ARHGAP15: variants seen among roughly 807,000 people sequenced by gnomAD.
ARHGAP15 encodes Rho GTPase activating protein 15, also known as rho GTPase-activating protein 15.
In ARHGAP15, 51 loss-of-function variants were observed where a neutral mutation model predicts 63.7. That is an observed-to-expected ratio of 0.80 (90% CI 0.64 to 1.01). ARHGAP15 has a LOEUF of 1.01. Ranked by LOEUF, ARHGAP15 falls within the 50% of genes least tolerant of loss-of-function variation. The pLI, the probability that ARHGAP15 is intolerant of heterozygous loss-of-function variation, is 0.00. For synonymous variants in ARHGAP15, 191 were observed against 193.8 expected (o/e 0.99, Z 0.12); for missense variants, 560 against 564.6 (o/e 0.99, Z 0.08).
intron 10 of ARHGAP15, among the ~76,000 whole-genome samples, chr2:143,543,350 G>A (rs1695186843): frequency 6.6e-6 from 1 of 152,022 alleles, no homozygotes; most frequent in South Asian, 2.1e-4. Context: ...CTTTTTTTGA[G>A]AAGTATCTTT....
chr2:143,173,939 G>T (rs1350814502), intron 2 of ARHGAP15, among the ~76,000 whole-genome samples: 3 of 152,044 alleles, frequency 2.0e-5, no homozygotes, highest in Non-Finnish European at 4.4e-5. Context: ...TCAAGGGGTC[G>T]TTCCGAGTTT....
chr2:143,139,526 T>A (rs1339751041), intron 1 of ARHGAP15, among the ~76,000 whole-genome samples: 1 of 152,150 alleles, frequency 6.6e-6, no homozygotes. Flanking sequence ...GGGTTTGAGT[T>A]AACTAATGCA....
chr2:143,367,642 C>G (rs1308808165), intron 6 of ARHGAP15, among the ~76,000 whole-genome samples: 1 of 151,684 alleles, frequency 6.6e-6, no homozygotes, highest in East Asian at 1.9e-4. Flanking sequence ...CTTCTTGTAA[C>G]CTCCATTTCA....
At chr2:143,652,724 C>G (rs140053803) in intron 12 of ARHGAP15, among the ~76,000 whole-genome samples, 1 of 152,096 alleles carries the variant, frequency 6.6e-6, no homozygotes, top group African/African-American at 2.4e-5. Flanking sequence ...TTGTTTGATG[C>G]TACTATACAG....
intron 8 of ARHGAP15, among the ~76,000 whole-genome samples, chr2:143,456,807 A>T (rs1489795445): frequency 7.2e-6 from 1 of 139,480 alleles, no homozygotes; most frequent in East Asian, 2.1e-4. Context: ...ATAAGTAATT[A>T]TGTTATTAAA....
At chr2:143,680,941 A>C (rs1424617543) in intron 12 of ARHGAP15, among the ~76,000 whole-genome samples, 1 of 152,242 alleles carries the variant, frequency 6.6e-6, no homozygotes, top group African/African-American at 2.4e-5. Flanking sequence ...CTGAAATCTT[A>C]GTGAAAGTCA....
intron 11 of ARHGAP15, among the ~76,000 whole-genome samples, chr2:143,594,769 TGTTGATTGCTGGTGGAGCAAATGTTACA>T (rs1574679204): frequency 1.3e-5 from 2 of 152,194 alleles, no homozygotes; most frequent in East Asian, 3.8e-4. Context: ...AAATCTGATA[TGTTGATTGCTGGTGGAGCAAATGTTACA>T]GGAGCCTGTA....
At chr2:143,273,537 A>T (rs1339158842) in intron 6 of ARHGAP15, among the ~76,000 whole-genome samples, 1 of 152,150 alleles carries the variant, frequency 6.6e-6, no homozygotes, top group Non-Finnish European at 1.5e-5. Flanking sequence ...GTTCAACCTA[A>T]CTCTAGTTAA....
At chr2:143,132,394 CTCT>C (rs1280444658) in intron 1 of ARHGAP15, among the ~76,000 whole-genome samples, 5 of 152,200 alleles carry the variant, frequency 3.3e-5, no homozygotes, top group Admixed American at 2.0e-4. Flanking sequence ...CATTCCTCAG[CTCT>C]TCTTTTCACT....
At chr2:143,565,336 C>T (rs1426055746) in intron 11 of ARHGAP15, among the ~76,000 whole-genome samples, 1 of 152,078 alleles carries the variant, frequency 6.6e-6, no homozygotes, top group Non-Finnish European at 1.5e-5. Flanking sequence ...TTTTAAATTA[C>T]CCTTTTAATA....
intron 1 of ARHGAP15, among the ~76,000 whole-genome samples, chr2:143,136,551 T>C (rs551004268): frequency 6.6e-6 from 1 of 151,540 alleles, no homozygotes; most frequent in Non-Finnish European, 1.5e-5. Flanking sequence ...TTTACAACCT[T>C]TTAGTCAGAC....
At chr2:143,515,616 A>G (rs1693781767) in intron 9 of ARHGAP15, among the ~76,000 whole-genome samples, 2 of 152,230 alleles carry the variant, frequency 1.3e-5, no homozygotes, top group South Asian at 2.1e-4. Flanking sequence ...CTTTTGCTAT[A>G]TAGTCCTGAG....
intron 6 of ARHGAP15, among the ~76,000 whole-genome samples, chr2:143,416,020 G>T (rs1272104928): frequency 2.6e-5 from 4 of 152,052 alleles, no homozygotes; most frequent in Admixed American, 2.0e-4. Flanking sequence ...CAAATCAGGT[G>T]CAGTGTATGC....
chr2:143,314,350 A>G (rs1683597538), intron 6 of ARHGAP15: 2 of 152,218 alleles, frequency 1.3e-5, no homozygotes, highest in African/African-American at 2.4e-5. Context: ...CACCTTTACA[A>G]TTAACTCTTA....
At chr2:143,238,507 C>T (rs182104382) in intron 5 of ARHGAP15, among the ~76,000 whole-genome samples, 10 of 152,222 alleles carry the variant, frequency 6.6e-5, no homozygotes, top group Non-Finnish European at 1.2e-4. Context: ...CATCTCACAC[C>T]AGTCAGAATG....
chr2:143,602,119 G>GT (rs1697793209), intron 11 of ARHGAP15, among the ~76,000 whole-genome samples: 1 of 152,050 alleles, frequency 6.6e-6, no homozygotes, highest in African/African-American at 2.4e-5. Flanking sequence ...GGAGAAATAA[G>GT]GAAAGAAATT....
At chr2:143,230,106 T>C (rs1693379707) in intron 5 of ARHGAP15, among the ~76,000 whole-genome samples, 1 of 152,120 alleles carries the variant, frequency 6.6e-6, no homozygotes, top group Non-Finnish European at 1.5e-5. Flanking sequence ...TTGCAGGTCC[T>C]TTGTCTTCCC....
intron 3 of ARHGAP15, among the ~76,000 whole-genome samples, chr2:143,207,619 T>C (rs1692389715): frequency 6.6e-6 from 1 of 152,094 alleles, no homozygotes; most frequent in Non-Finnish European, 1.5e-5. Context: ...AACGCTTATC[T>C]TGCTGTGTCT....
At chr2:143,531,541 A>T (rs568072713) in intron 10 of ARHGAP15, among the ~76,000 whole-genome samples, 1 of 152,368 alleles carries the variant, frequency 6.6e-6, no homozygotes, top group African/African-American at 2.4e-5. Flanking sequence ...TGTATCCAAC[A>T]TGCAAACTTC....
Sources: allele counts gnomAD v4.1 joint callset (sites outside exome capture counted in the v4.1 genomes callset), GRCh38; gene constraint gnomAD v4.1.1; transcripts MANE v1.5; gene names NCBI Gene and HGNC (gene_info 2026-07-23, HGNC 2026-07-21).